The following CD226 variants were observed in gnomAD, a reference collection of about 807,000 sequenced individuals.
The protein encoded by CD226 is CD226 molecule.
In CD226, 24 loss-of-function variants were observed where a neutral mutation model predicts 34.9. The ratio of observed to expected loss-of-function variants is 0.69; its 90% CI spans 0.50 to 0.97. The LOEUF is 0.97. Ranked by LOEUF, CD226 falls within the 50% of genes least tolerant of loss-of-function variation. The pLI, the probability that CD226 is intolerant of heterozygous loss-of-function variation, is 0.00. For missense variants in CD226, 397 were observed against 412.7 expected, an observed-to-expected ratio of 0.96 and a Z score of 0.33; for synonymous variants, 148 against 147.4, an observed-to-expected ratio of 1.00 and a Z score of -0.03.
chr18:69,939,488 T>C (rs1439809982), intron 2 of CD226, among the ~76,000 whole-genome samples: 2 of 152,194 alleles, frequency 1.3e-5, no homozygotes, highest in Admixed American at 6.5e-5. Context: ...TAGACCTCAG[T>C]GTGCTTTTCG....
At position 69,858,516 on chromosome 18, in the gene CD226, C is replaced by T. The variant is rs375356856; in HGVS notation, c.*5798G>A. 2.6e-5 allele frequency: 4 copies of T among 152,032 alleles called. No individual in the cohort carries two copies. The highest frequency in any genetic ancestry group is 9.7e-5 in the African/African-American group (4 of 41,370). 9.4% of individuals were successfully genotyped at this position (152,032 alleles called of 1,614,324 possible). ...ATAAAAATAGGGGCTCAGGACTCAT[C>T]CGAACGTGGGGTACTGATGCTGCTC... is the stretch of plus-strand genomic sequence containing the variant. On this transcript the variant is annotated 3_prime_UTR_variant, in exon 6 of 6. Transcript: ENST00000582621.
intron 3 of CD226, among the ~76,000 whole-genome samples, chr18:69,876,070 T>G (rs1400024874): frequency 6.6e-6 from 1 of 152,192 alleles, no homozygotes; most frequent in Non-Finnish European, 1.5e-5. Context: ...CCTGAATATA[T>G]TCAATCTTTA....
chr18:69,953,496 A>T (rs1417435740), intron 1 of CD226, among the ~76,000 whole-genome samples: 2 of 152,280 alleles, frequency 1.3e-5, no homozygotes, highest in African/African-American at 4.8e-5. Context: ...GAATCCATTT[A>T]TATGAAATAT....
At chr18:69,899,892 C>G (rs1207400309) in intron 2 of CD226, among the ~76,000 whole-genome samples, 1 of 152,168 alleles carries the variant, frequency 6.6e-6, no homozygotes, top group Admixed American at 6.5e-5. Context: ...GAGATAAAAG[C>G]AGAACTACCA....
intron 3 of CD226, among the ~76,000 whole-genome samples, chr18:69,893,548 A>AT (rs1385179189): frequency 2.0e-5 from 3 of 152,070 alleles, no homozygotes; most frequent in Admixed American, 2.0e-4. Context: ...TGAATAGAAC[A>AT]TTTTTTTCTT....
In CD226 at chr18:69,859,330, T is replaced by G. The variant is rs1042474825; in HGVS notation, c.*4984A>C. ...CAATTTATGGTAAATACAGAAAAAGTCAGTCCCCAGAATGACAATTATTAG... is the reference window on the plus strand; with the variant it reads ...CAATTTATGGTAAATACAGAAAAAGGCAGTCCCCAGAATGACAATTATTAG... On this transcript the variant is annotated 3_prime_UTR_variant, in exon 6 of 6. Transcript: ENST00000582621. 1 of 151,984 alleles carries G rather than the reference T, an allele frequency of 6.6e-6. No individual in the cohort carries two copies. Among genetic ancestry groups the G allele is most frequent in the African/African-American group, 2.4e-5 (1 of 41,362 alleles). 9.4% of individuals were successfully genotyped at this position (151,984 alleles called of 1,614,324 possible).
intron 2 of CD226, among the ~76,000 whole-genome samples, chr18:69,928,765 C>T (rs1035629697): frequency 2.0e-5 from 3 of 152,134 alleles, no homozygotes; most frequent in African/African-American, 7.2e-5. Context: ...TGGAGCATTT[C>T]AGATTTCAGA....
At chr18:69,867,449 T>A in intron 4 of CD226, 38 bp from the exon 5 acceptor site, 1 of 1,274,108 alleles carries the variant, frequency 7.8e-7, no homozygotes, top group Non-Finnish European at 1.1e-6. Flanking sequence ...AAAGATATGA[T>A]ATTCCAGTAC....
chr18:69,878,218 C>T (rs949533289), intron 3 of CD226, among the ~76,000 whole-genome samples: 1 of 152,062 alleles, frequency 6.6e-6, no homozygotes, highest in Admixed American at 6.6e-5. Context: ...TTTTTGCTAA[C>T]TTTTTTCACT....
intron 3 of CD226, among the ~76,000 whole-genome samples, chr18:69,889,505 G>T (rs1051311366): frequency 6.7e-6 from 1 of 149,132 alleles, no homozygotes; most frequent in African/African-American, 2.5e-5. Flanking sequence ...AAAAAAAACT[G>T]TCTTGTCTAC....
chr18:69,949,278 G>A (rs1459796093), upstream of CD226, among the ~76,000 whole-genome samples: 2 of 152,194 alleles, frequency 1.3e-5, no homozygotes, highest in African/African-American at 4.8e-5. Context: ...AGCCGCCGAG[G>A]AGCTGATGGA....
chr18:69,900,659 GA>G (rs2055167770), intron 2 of CD226, among the ~76,000 whole-genome samples: 1 of 148,832 alleles, frequency 6.7e-6, no homozygotes, highest in South Asian at 2.1e-4. Context: ...GTGAACCCGG[GA>G]GGCGGAGCTT....
chr18:69,920,332 T>A (rs1427579858), intron 2 of CD226, among the ~76,000 whole-genome samples: 2 of 152,252 alleles, frequency 1.3e-5, no homozygotes, highest in African/African-American at 4.8e-5. Context: ...CTTCACATTA[T>A]GAAACAGGAA....
At position 69,863,642 on chromosome 18, in the gene CD226, T is replaced by C. The variant is rs373831648; in HGVS notation, c.*672A>G. On this transcript the variant is annotated 3_prime_UTR_variant, in exon 6 of 6. Coordinates refer to ENST00000582621, the MANE Select transcript of CD226 (RefSeq NM_001303618.2). ...TAACAAAAATGTCTTGGTTAATCAC[T>C]GCAGTCAATATTTGTTGGTAAACTC... 15 of 152,222 alleles carry C rather than the reference T, an allele frequency of 9.9e-5. No individual in the cohort carries two copies. Among genetic ancestry groups the C allele is most frequent in the African/African-American group, 3.6e-4 (15 of 41,450 alleles). 9.4% of individuals were successfully genotyped at this position (152,222 alleles called of 1,614,324 possible). A position where few individuals can be genotyped will look rare whatever the true frequency, so the allele number is the denominator to read the frequency against.
chr18:69,950,183 C>G (rs1034672518), upstream of CD226, among the ~76,000 whole-genome samples: 2 of 152,100 alleles, frequency 1.3e-5, no homozygotes, highest in African/African-American at 2.4e-5. Flanking sequence ...CTCGTACATG[C>G]ATACACTCAC....
upstream of CD226, among the ~76,000 whole-genome samples, chr18:69,957,591 A>G (rs909960199): frequency 4.6e-5 from 7 of 152,272 alleles, no homozygotes; most frequent in Admixed American, 1.3e-4. Flanking sequence ...AAATTCATAG[A>G]AAGACTAGGA....
rs374088486 is a variant in CD226, at chr18:69,895,649, G to A, written c.727+52C>T. The stretch of plus-strand genomic sequence containing the variant: ...TAAATAAAAACAGAGACCAGCCCAC[G>A]GGGCTGGCTTTTTCCATGTTTGATA... On this transcript the variant is annotated intron_variant, in intron 3 of 5. Transcript: ENST00000582621. The A allele has an allele frequency of 8.8e-6, 12 of 1,366,572 alleles. No individual in the cohort carries two copies. The Admixed American group carries it at 1.3e-4, about 14-fold the overall frequency. The allele number at this position is 1,366,572 out of a possible 1,614,324, so 84.7% of individuals were successfully genotyped here.
intron 3 of CD226, among the ~76,000 whole-genome samples, chr18:69,874,750 A>T (rs953256844): frequency 6.6e-6 from 1 of 151,778 alleles, no homozygotes; most frequent in African/African-American, 2.4e-5. Flanking sequence ...CTGCAAAGAG[A>T]AACTAAGACA....
intron 3 of CD226, 65 bp from the exon 4 acceptor site, chr18:69,873,311 G>A: frequency 1.2e-4 from 93 of 745,936 alleles, no homozygotes; most frequent in Middle Eastern, 2.6e-4. Flanking sequence ...AAGTAAGGCA[G>A]GAAAATAAAG....
Sources: allele counts gnomAD v4.1 joint callset (sites outside exome capture counted in the v4.1 genomes callset), GRCh38; gene constraint gnomAD v4.1.1; transcripts MANE v1.5; gene names NCBI Gene and HGNC (gene_info 2026-07-23, HGNC 2026-07-21).